Variants in ADARB2 observed in about 807,000 individuals in gnomAD.
ADARB2 encodes the protein adenosine deaminase RNA specific B2 (inactive).
In ADARB2, 25 loss-of-function variants were observed where a neutral mutation model predicts 62.2. That is an observed-to-expected ratio of 0.40 (90% CI 0.29 to 0.56). ADARB2 has a LOEUF of 0.56. Ranked by LOEUF, ADARB2 falls within the 20% of genes least tolerant of loss-of-function variation. ADARB2 has a pLI of 0.43. For synonymous variants in ADARB2, 572 were observed against 500.8 expected, an observed-to-expected ratio of 1.14 and a Z score of -1.90; for missense variants, 1,071 against 1,077.4, an observed-to-expected ratio of 0.99 and a Z score of 0.08.
chr10:1,182,773 T>A lies in ADARB2; in HGVS notation c.*420A>T, dbSNP rs1157456451. On this transcript the variant is annotated 3_prime_UTR_variant, in exon 10 of 10. Transcript: ENST00000381312. ...TCTTCATTTGTGGCTTATCTTCATG[T>A]GCCCCCTCAAGCTAGTGAGACCCCA... 6.1e-6 allele frequency: 1 copy of A among 163,184 alleles called. No individual in the cohort carries two copies. The highest frequency in any genetic ancestry group is 1.3e-5 in the Non-Finnish European group (1 of 75,520). 10.1% of individuals were successfully genotyped at this position (163,184 alleles called of 1,614,324 possible). A position where few individuals can be genotyped will look rare whatever the true frequency, so the allele number is the denominator to read the frequency against.
At chr10:1,689,442 C>G (rs983258479) in intron 1 of ADARB2, among the ~76,000 whole-genome samples, 2 of 152,126 alleles carry the variant, frequency 1.3e-5, no homozygotes, top group African/African-American at 4.8e-5. Flanking sequence ...TCCACAGTAC[C>G]CCTTCACCCA....
At chr10:1,374,325 G>A (rs185714585) in intron 2 of ADARB2, among the ~76,000 whole-genome samples, 87 of 152,288 alleles carry the variant, frequency 5.7e-4, no homozygotes, top group Non-Finnish European at 1.1e-3. Flanking sequence ...AATGCAAAAT[G>A]AAATGATTTC....
chr10:1,257,109 C>T (rs1831086936), intron 4 of ADARB2, among the ~76,000 whole-genome samples: 1 of 152,244 alleles, frequency 6.6e-6, no homozygotes, highest in Admixed American at 6.5e-5. Flanking sequence ...GAGCTGTGTT[C>T]AGGCCCTGTG....
intron 3 of ADARB2, among the ~76,000 whole-genome samples, chr10:1,274,106 T>C (rs1042859784): frequency 2.0e-5 from 3 of 152,220 alleles, no homozygotes; most frequent in African/African-American, 7.2e-5. Flanking sequence ...GTAGGAGAGC[T>C]TCCCTTTCTC....
chr10:1,253,743 G>C (rs1259893060), intron 4 of ADARB2, among the ~76,000 whole-genome samples: 1 of 152,206 alleles, frequency 6.6e-6, no homozygotes, highest in Non-Finnish European at 1.5e-5. Context: ...AGTGTTAAGA[G>C]AGGGAGAAAG....
chr10:1,686,815 ATTG>A (rs1359208835), intron 1 of ADARB2, among the ~76,000 whole-genome samples: 2 of 152,220 alleles, frequency 1.3e-5, no homozygotes, highest in African/African-American at 4.8e-5. Context: ...ACAAATGTTT[ATTG>A]TTGATTTCTC....
chr10:1,556,152 C>G (rs2131982251), intron 1 of ADARB2, among the ~76,000 whole-genome samples: 1 of 152,176 alleles, frequency 6.6e-6, no homozygotes, highest in South Asian at 2.1e-4. Flanking sequence ...GAGGGGGCAC[C>G]TTCCCGTGGC....
At chr10:1,604,790 T>C (rs1833474224) in intron 1 of ADARB2, among the ~76,000 whole-genome samples, 1 of 152,136 alleles carries the variant, frequency 6.6e-6, no homozygotes, top group Non-Finnish European at 1.5e-5. Context: ...GTCTGGTGTA[T>C]TTTATTTGGT....
intron 1 of ADARB2, among the ~76,000 whole-genome samples, chr10:1,407,373 C>T (rs1038545138): frequency 2.0e-5 from 3 of 152,238 alleles, no homozygotes; most frequent in Non-Finnish European, 4.4e-5. Flanking sequence ...GCCACTGCTA[C>T]TCCTGAAGAG....
intron 1 of ADARB2, among the ~76,000 whole-genome samples, chr10:1,507,554 C>T (rs72764941): frequency 0.18 from 27,973 of 152,182 alleles, 3,027 homozygotes; most frequent in Non-Finnish European, 0.25. Context: ...ACGTGAGCTC[C>T]GTCTGGAGAT....
At chr10:1,470,357 C>A (rs1340316859) in intron 1 of ADARB2, among the ~76,000 whole-genome samples, 1 of 152,242 alleles carries the variant, frequency 6.6e-6, no homozygotes, top group Non-Finnish European at 1.5e-5. Flanking sequence ...CCACGCACAG[C>A]ATATCCTTCG....
intron 1 of ADARB2, among the ~76,000 whole-genome samples, chr10:1,622,241 C>T (rs1833712348): frequency 6.6e-6 from 1 of 152,114 alleles, no homozygotes; most frequent in South Asian, 2.1e-4. Context: ...TTTAAAACTC[C>T]TAGAAGAAAA....
chr10:1,399,732 C>T (rs1302871398), intron 1 of ADARB2, among the ~76,000 whole-genome samples: 2 of 152,228 alleles, frequency 1.3e-5, no homozygotes, highest in African/African-American at 4.8e-5. Flanking sequence ...CAGCTTGTCA[C>T]TGAGTGTGCC....
intron 6 of ADARB2, among the ~76,000 whole-genome samples, chr10:1,229,980 G>C (rs540867566): frequency 1.3e-5 from 2 of 152,318 alleles, no homozygotes; most frequent in East Asian, 3.9e-4. Flanking sequence ...GGGAGACTGA[G>C]GAAGGGATGA....
chr10:1,333,844 G>T (rs1226393046), intron 3 of ADARB2, among the ~76,000 whole-genome samples: 1 of 152,144 alleles, frequency 6.6e-6, no homozygotes, highest in African/African-American at 2.4e-5. Context: ...AATTCCTAGG[G>T]ACAAAAAGGC....
chr10:1,492,285 G>A (rs188397516), intron 1 of ADARB2, among the ~76,000 whole-genome samples: 4 of 152,278 alleles, frequency 2.6e-5, no homozygotes, highest in Admixed American at 6.5e-5. Context: ...ACATGTTGGT[G>A]TCCTAACCCA....
At chr10:1,716,972 G>A (rs1316050258) in intron 1 of ADARB2, among the ~76,000 whole-genome samples, 1 of 152,118 alleles carries the variant, frequency 6.6e-6, no homozygotes, top group African/African-American at 2.4e-5. Context: ...AATTCCTAGA[G>A]AGCATTAGAG....
chr10:1,227,721 G>C (rs1830761216), intron 6 of ADARB2, among the ~76,000 whole-genome samples: 1 of 152,142 alleles, frequency 6.6e-6, no homozygotes, highest in Admixed American at 6.5e-5. Context: ...CCATCACAAG[G>C]GGGAGAGAGA....
intron 5 of ADARB2, among the ~76,000 whole-genome samples, chr10:1,241,848 A>G (rs1024375687): frequency 1.3e-5 from 2 of 152,132 alleles, no homozygotes; most frequent in East Asian, 3.8e-4. Context: ...AGGCCAGGAG[A>G]GGGTGGCCTT....
Sources: gnomAD v4.1 joint callset for allele counts (sites outside exome capture counted in the v4.1 genomes callset) on GRCh38, gnomAD v4.1.1 for gene constraint, MANE v1.5 for transcripts, NCBI Gene and HGNC (gene_info 2026-07-23, HGNC 2026-07-21) for gene names.